The following NPHP4 variants were observed in gnomAD, a reference collection of about 807,000 sequenced individuals.
NPHP4 encodes nephrocystin-4.
Under a neutral mutation model 155.8 loss-of-function variants are expected in NPHP4, and 151 were observed. That is an observed-to-expected ratio of 0.97 (90% CI 0.85 to 1.11). The LOEUF (loss-of-function observed/expected upper bound fraction) is 1.11. Among genes scored for constraint, NPHP4 ranks in the 50% least tolerant of loss-of-function variants. The pLI is 0.00. For missense variants in NPHP4, 1,956 were observed against 1,925.7 expected (o/e 1.02, Z -0.29); for synonymous variants, 845 against 816.8 (o/e 1.03, Z -0.59).
At chr1:5,915,991 T>G (rs1199675708) in intron 11 of NPHP4, among the ~76,000 whole-genome samples, 1 of 152,144 alleles carries the variant, frequency 6.6e-6, no homozygotes, top group East Asian at 1.9e-4. Context: ...GGGGCAGGAA[T>G]CTAACTCCAC....
Position 5,905,320 on chromosome 1 carries a change from T to C in NPHP4, c.1927A>G (p.Met643Val), listed in dbSNP as rs371464727. 2.5e-6 allele frequency: 4 copies of C among 1,613,684 alleles called. No individual in the cohort carries two copies. In the African/African-American group the frequency reaches 4.0e-5, roughly 16 times the overall value. Residue 643 changes from methionine to valine, a missense_variant, in exon 15 of 30, where the codon ATG (methionine) becomes GTG (valine). Transcript: ENST00000378156. This position sits in a 1 kb window ranked among gnomAD's most constrained non-coding sequence, Gnocchi z 4.0. The stretch of plus-strand genomic sequence containing the variant: ...CTAAAGGCAAGAAACTGTAGCACCA[T>C]CTCGTTGCTTTGTAGACAATCTGAT... ...EESDCLQSNE[M>V]VLQFLAFSRV...
rs573530975 is a variant in NPHP4, at chr1:5,907,960, C to T, written c.1504-738G>A. Among the ~76,000 whole-genome samples, 135 of 152,362 alleles carry T rather than the reference C, an allele frequency of 8.9e-4. 2 individuals are homozygous for T. Among genetic ancestry groups the T allele is most frequent in the African/African-American group, 2.5e-3 (103 of 41,588 alleles). ...ACTGATGCGGAGGGCTGGGGGCCCACGCACTACTGAAGACACAGATCTCAA... is the reference window on the plus strand; with the variant it reads ...ACTGATGCGGAGGGCTGGGGGCCCATGCACTACTGAAGACACAGATCTCAA... On this transcript the variant is annotated intron_variant, in intron 12 of 29. Coordinates refer to ENST00000378156, the MANE Select transcript of NPHP4 (RefSeq NM_015102.5).
intron 1 of NPHP4, among the ~76,000 whole-genome samples, chr1:5,991,904 G>T (rs1470903888): frequency 7.1e-6 from 1 of 141,138 alleles, no homozygotes; most frequent in African/African-American, 2.7e-5. Context: ...CCCTTCAGCC[G>T]AGGGGCTGCA....
chr1:5,879,793 A>G (rs1310185342), intron 19 of NPHP4, among the ~76,000 whole-genome samples: 2 of 125,870 alleles, frequency 1.6e-5, no homozygotes, highest in South Asian at 2.4e-4. Context: ...ACACACACAC[A>G]CGCAAACACA....
At chr1:5,967,247 C>A in intron 5 of NPHP4, 52 bp downstream of exon 5, 3 of 1,394,652 alleles carry the variant, frequency 2.2e-6, no homozygotes, top group Non-Finnish European at 2.0e-6. Flanking sequence ...GGGGAACACT[C>A]AGGGAAGGCA....
chr1:5,951,031 C>T (rs951034640), intron 7 of NPHP4, among the ~76,000 whole-genome samples: 2 of 152,190 alleles, frequency 1.3e-5, no homozygotes, highest in Non-Finnish European at 2.9e-5. Context: ...AAAAGTACGA[C>T]TTCATTTAAA....
chr1:5,916,562 T>C (rs1254818594), intron 11 of NPHP4, among the ~76,000 whole-genome samples: 1 of 152,232 alleles, frequency 6.6e-6, no homozygotes, highest in Admixed American at 6.5e-5. Context: ...AAACAGTGAC[T>C]GAGAAGTAGA....
chr1:5,905,410 T>C lies in NPHP4; in HGVS notation c.1837A>G (p.Asn613Asp). The C allele has an allele frequency of 6.2e-7, 1 of 1,613,264 alleles. No homozygotes were observed. Among genetic ancestry groups the C allele is most frequent in the Non-Finnish European group, 8.5e-7 (1 of 1,179,228 alleles). The change falls in exon 15 of 30, where the codon AAT becomes GAT. Residue 613 changes from asparagine (N) to aspartate (D), a missense_variant. Coordinates refer to ENST00000378156, the MANE Select transcript of NPHP4 (RefSeq NM_015102.5). This position sits in a 1 kb window ranked among gnomAD's most constrained non-coding sequence, Gnocchi z 4.0. ...SSGFPEILDANKQPAEAVSAT... is the reference protein window; with the variant it reads ...SSGFPEILDADKQPAEAVSAT... ...CTGACAGCCTCGGCTGGCTGTTTAT[T>C]GGCATCCAGAATCTCGGGAAAGCCG...
At chr1:5,896,550 C>T (rs562394729) in intron 16 of NPHP4, among the ~76,000 whole-genome samples, 1 of 152,270 alleles carries the variant, frequency 6.6e-6, no homozygotes, top group Non-Finnish European at 1.5e-5. Context: ...TAAGTAAATA[C>T]ATGATGAGAA....
chr1:5,909,131 C>T lies in NPHP4; in HGVS notation c.1503+21G>A, dbSNP rs200788739. 41 of 1,571,840 alleles carry T rather than the reference C, an allele frequency of 2.6e-5. No individual in the cohort carries two copies. The African/African-American group carries it at 5.3e-4, about 20-fold the overall frequency. On this transcript the variant is annotated intron_variant, in intron 12 of 29. Transcript: ENST00000378156. ...ATTGACTCTGGAATTCTGAAGGAGG[C>T]CGTGGGGGGCCTGGACTTACCCCTG...
intron 7 of NPHP4, among the ~76,000 whole-genome samples, chr1:5,951,118 ATG>A (rs1279497251): frequency 1.3e-5 from 2 of 152,242 alleles, no homozygotes; most frequent in Admixed American, 6.5e-5. Flanking sequence ...GAAAGCCAAG[ATG>A]TGATTAGCAC....
chr1:5,932,732 C>A (rs1646339584), intron 10 of NPHP4, among the ~76,000 whole-genome samples: 1 of 151,938 alleles, frequency 6.6e-6, no homozygotes, highest in African/African-American at 2.4e-5. Flanking sequence ...GTCCAACAAG[C>A]ATTAGTGATA....
rs114077129 is a variant in NPHP4 at position 5,936,878 on chromosome 1, G to C, written c.1120-3549C>G. Among the ~76,000 whole-genome samples, 1,446 of 152,370 alleles carry C rather than the reference G, an allele frequency of 9.5e-3. 27 individuals are homozygous for C. Among genetic ancestry groups the C allele is most frequent in the African/African-American group, 0.032 (1,335 of 41,574 alleles). Reference sequence around the variant, plus strand: ...GTCTCTGTGGATGTGATTAGTTACAGTGTTGTGGGATGAGATAATCCTTCA... The same window carrying C: ...GTCTCTGTGGATGTGATTAGTTACACTGTTGTGGGATGAGATAATCCTTCA... On this transcript the variant is annotated intron_variant, in intron 9 of 29. Transcript: ENST00000378156.
chr1:5,908,439 T>C (rs1449341585), intron 12 of NPHP4, among the ~76,000 whole-genome samples: 1 of 152,226 alleles, frequency 6.6e-6, no homozygotes, highest in African/African-American at 2.4e-5. Flanking sequence ...ATTTCCAGGA[T>C]GATGCTGGCA....
chr1:5,954,367 A>C (rs1361554455), intron 6 of NPHP4, among the ~76,000 whole-genome samples: 2 of 152,268 alleles, frequency 1.3e-5, no homozygotes, highest in Non-Finnish European at 2.9e-5. Flanking sequence ...AACTATTACG[A>C]TTCCATCTGA....
At chr1:5,909,655 G>A (rs771157555) in intron 11 of NPHP4, among the ~76,000 whole-genome samples, 7 of 152,096 alleles carry the variant, frequency 4.6e-5, no homozygotes, top group African/African-American at 7.2e-5. Context: ...CCTGGCTTGC[G>A]GCCTCACGAA....
chr1:5,968,114 T>C (rs998688076), intron 4 of NPHP4, among the ~76,000 whole-genome samples: 1 of 151,688 alleles, frequency 6.6e-6, no homozygotes, highest in Non-Finnish European at 1.5e-5. Flanking sequence ...TTACGAGATA[T>C]GCATTATCAT....
chr1:5,881,345 G>A (rs923239561), intron 18 of NPHP4: 2 of 152,246 alleles, frequency 1.3e-5, no homozygotes, highest in African/African-American at 4.8e-5. Flanking sequence ...GCTGACGGAG[G>A]TGTCTCTCTA....
At chr1:5,933,428 C>T in intron 9 of NPHP4, 99 bp from the exon 10 acceptor site, 1 of 961,794 alleles carries the variant, frequency 1.0e-6, no homozygotes, top group Non-Finnish European at 1.6e-6. Flanking sequence ...TCAACGAGAG[C>T]TCAGTGTAGC....
Sources: allele counts gnomAD v4.1 joint callset (sites outside exome capture counted in the v4.1 genomes callset), GRCh38; gene constraint gnomAD v4.1.1; non-coding constraint Gnocchi (gnomAD v3.1); transcripts MANE v1.5; gene names NCBI Gene and HGNC (gene_info 2026-07-23, HGNC 2026-07-21).